IGBP1: variants seen among roughly 807,000 people sequenced by gnomAD.
IGBP1 encodes the protein immunoglobulin-binding protein 1.
Under a neutral mutation model 25.9 loss-of-function variants are expected in IGBP1, and 2 were observed. That is an observed-to-expected ratio of 0.08 (90% CI 0.03 to 0.24). IGBP1 has a LOEUF of 0.24. IGBP1 is among the 10% of genes least tolerant of loss of function. IGBP1 has a pLI of 1.00. For synonymous variants in IGBP1, 96 were observed against 93.4 expected, an observed-to-expected ratio of 1.03 and a Z score of -0.16; for missense variants, 187 against 260.4, an observed-to-expected ratio of 0.72 and a Z score of 1.94.
At chrX:70,160,984 A>T (rs1394931472) in intron 6 of IGBP1, among the ~76,000 whole-genome samples, 1 of 111,577 alleles carries the variant, frequency 9.0e-6, no homozygotes, top group Non-Finnish European at 1.9e-5. Flanking sequence ...GATTTTTTTT[A>T]AACCCTGTAG....
At chrX:70,149,800 A>C (rs144856238) in intron 5 of IGBP1, 2,306 of 163,979 alleles carry the variant, frequency 0.014, 63 homozygotes, top group African/African-American at 0.068. Flanking sequence ...TCTCAAAAGG[A>C]CATATTTGCC....
Position 70,153,190 on chromosome X carries a change from C to T in IGBP1, c.871+2868C>T, listed in dbSNP as rs748759208. ...AGTGGTGGGGGGAGGAACCTGTCAA[C>T]GTATAATTTTATACCCAGTGAAAAA... On this transcript the variant is annotated intron_variant, in intron 6 of 6. Coordinates refer to ENST00000356413, the MANE Select transcript of IGBP1 (RefSeq NM_001551.3). Among the ~76,000 whole-genome samples the T allele has an allele frequency of 5.4e-5, 6 of 111,667 alleles. No individual in the cohort carries two copies. In the South Asian group the frequency reaches 1.9e-3, roughly 35 times the overall value.
chrX:70,158,510 C>T (rs779224334), intron 6 of IGBP1, among the ~76,000 whole-genome samples: 13 of 111,063 alleles, frequency 1.2e-4, no homozygotes, highest in Non-Finnish European at 1.9e-4. Context: ...AAACATTTCA[C>T]GTAAAAATGA....
At chrX:70,144,430 GA>G (rs757072663) in intron 3 of IGBP1, among the ~76,000 whole-genome samples, 17 of 111,023 alleles carry the variant, frequency 1.5e-4, no homozygotes, top group Non-Finnish European at 2.5e-4. Context: ...GAGGGTTGGG[GA>G]TAGGAGTGAG....
At chrX:70,133,656 T>G in intron 1 of IGBP1, 67 bp from the exon 2 acceptor site, 1 of 427,402 alleles carries the variant, frequency 2.3e-6, no homozygotes, top group South Asian at 3.8e-5. Flanking sequence ...CTCAGCCCCG[T>G]GTCGGCGACG....
chrX:70,154,208 A>C (rs1024296364), intron 6 of IGBP1, among the ~76,000 whole-genome samples: 2 of 108,390 alleles, frequency 1.8e-5, no homozygotes, highest in Non-Finnish European at 3.8e-5. Flanking sequence ...CTGGGACTAC[A>C]GGCGCCCGCC....
chrX:70,136,730 A>ATT (rs2085097462), intron 3 of IGBP1, among the ~76,000 whole-genome samples: 1 of 89,848 alleles, frequency 1.1e-5, no homozygotes, highest in African/African-American at 4.2e-5. Flanking sequence ...TTATTATTAT[A>ATT]CAGAGTTTCA....
chrX:70,134,234 G>A, intron 2 of IGBP1, 99 bp downstream of exon 2: 2 of 800,317 alleles, frequency 2.5e-6, no homozygotes, highest in South Asian at 4.4e-5. Context: ...TTAGTGGTGA[G>A]AACGTTTCGT....
At chrX:70,135,107 A>G (rs900650474) in intron 3 of IGBP1, among the ~76,000 whole-genome samples, 1 of 112,130 alleles carries the variant, frequency 8.9e-6, no homozygotes, top group African/African-American at 3.2e-5. Context: ...AGCAATGTTC[A>G]TATGGTACAG....
chrX:70,135,922 T>C (rs958742512), intron 3 of IGBP1, among the ~76,000 whole-genome samples: 3 of 112,028 alleles, frequency 2.7e-5, no homozygotes, highest in African/African-American at 9.7e-5. Flanking sequence ...GTAAGTTATT[T>C]AATCTTTCAG....
At chrX:70,152,324 T>C (rs1011415447) in intron 6 of IGBP1, among the ~76,000 whole-genome samples, 5 of 112,117 alleles carry the variant, frequency 4.5e-5, no homozygotes, top group African/African-American at 1.3e-4. Context: ...GCAAGGGAGA[T>C]AGAATTTGGT....
intron 3 of IGBP1, among the ~76,000 whole-genome samples, chrX:70,142,916 GTTT>G (rs772662468): frequency 0.018 from 897 of 49,004 alleles, 11 homozygotes; most frequent in African/African-American, 0.054. Flanking sequence ...TTATCGAGTT[GTTT>G]TTTTTTTTTT....
intron 3 of IGBP1, 60 bp from the exon 4 acceptor site, chrX:70,146,573 T>G (rs1602667133): frequency 9.9e-7 from 1 of 1,009,443 alleles, no homozygotes; most frequent in East Asian, 3.0e-5. Context: ...ATTGAGGCCT[T>G]CTTTTGAAGG....
chrX:70,159,244 G>GA (rs1385704129), intron 6 of IGBP1, among the ~76,000 whole-genome samples: 1 of 111,276 alleles, frequency 9.0e-6, no homozygotes, highest in African/African-American at 3.3e-5. Context: ...ATTTTAAAAC[G>GA]AAAAAAGATA....
At chrX:70,150,442 A>T (rs2085195919) in intron 6 of IGBP1, 120 bp downstream of exon 6, 1 of 522,809 alleles carries the variant, frequency 1.9e-6, no homozygotes, top group Non-Finnish European at 3.5e-6. Flanking sequence ...GATTCTGAGT[A>T]ATAGAAAGAT....
intron 6 of IGBP1, among the ~76,000 whole-genome samples, chrX:70,156,239 C>T (rs1245002635): frequency 2.9e-5 from 3 of 103,959 alleles, no homozygotes; most frequent in Non-Finnish European, 5.9e-5. Flanking sequence ...AGAAAAAGGG[C>T]ACCAATAGAC....
intron 6 of IGBP1, among the ~76,000 whole-genome samples, chrX:70,164,519 A>G (rs965949956): frequency 1.8e-5 from 2 of 112,441 alleles, no homozygotes; most frequent in African/African-American, 6.5e-5. Context: ...TGAGTAAAAA[A>G]ATGAATGTAC....
chrX:70,156,796 C>T (rs1288041299), intron 6 of IGBP1, among the ~76,000 whole-genome samples: 2 of 110,437 alleles, frequency 1.8e-5, no homozygotes, highest in African/African-American at 3.3e-5. Context: ...AAAAATTAGC[C>T]GGGCGTGGTG....
At chrX:70,165,739 A>G (rs1164588458) in intron 6 of IGBP1, 94 bp from the exon 7 acceptor site, 19 of 806,362 alleles carry the variant, frequency 2.4e-5, no homozygotes, top group Non-Finnish European at 3.5e-5. Context: ...TTCTCATTGC[A>G]TGTGGTTGTG....
Sources: allele counts gnomAD v4.1 joint callset (sites outside exome capture counted in the v4.1 genomes callset), GRCh38; gene constraint gnomAD v4.1.1; transcripts MANE v1.5; gene names NCBI Gene and HGNC (gene_info 2026-07-23, HGNC 2026-07-21).